The following VOPP1 variants were observed in gnomAD, a reference collection of about 807,000 sequenced individuals.
The protein encoded by VOPP1 is WW domain binding protein VOPP1.
In VOPP1, 8 loss-of-function variants were observed where a neutral mutation model predicts 23.5. The ratio of observed to expected loss-of-function variants is 0.34; its 90% CI spans 0.20 to 0.61. VOPP1 has a LOEUF of 0.61. Among genes scored for constraint, VOPP1 ranks in the 20% least tolerant of loss-of-function variants. The pLI is 0.78. For synonymous variants in VOPP1, 83 were observed against 97.3 expected (o/e 0.85, Z 0.86); for missense variants, 174 against 238.1 (o/e 0.73, Z 1.77).
At chr7:55,462,891 C>T (rs1037078664) in intron 4 of VOPP1, among the ~76,000 whole-genome samples, 31 of 148,336 alleles carry the variant, frequency 2.1e-4, no homozygotes, top group African/African-American at 6.8e-4. Flanking sequence ...CTCCTGACCT[C>T]GTGATCCGCC....
chr7:55,537,876 C>G (rs1346041057), intron 1 of VOPP1, among the ~76,000 whole-genome samples: 1 of 152,234 alleles, frequency 6.6e-6, no homozygotes, highest in Non-Finnish European at 1.5e-5. Flanking sequence ...CATTCTCCCC[C>G]AAACCACTTA....
At chr7:55,456,469 A>G (rs1164396435) in intron 4 of VOPP1, among the ~76,000 whole-genome samples, 1 of 152,234 alleles carries the variant, frequency 6.6e-6, no homozygotes, top group African/African-American at 2.4e-5. Context: ...AAGGATTATA[A>G]ATCATTCTAC....
chr7:55,436,106 C>T (rs369009830), exon 5 of VOPP1: 5 of 152,326 alleles, frequency 3.3e-5, no homozygotes, highest in African/African-American at 1.2e-4. Flanking sequence ...GTCAGCTCAG[C>T]CTTGCAGTGT....
intron 1 of VOPP1, chr7:55,571,905 A>AC (rs1394926975): frequency 1.0e-5 from 2 of 193,264 alleles, no homozygotes; most frequent in African/African-American, 2.4e-5. Flanking sequence ...CCCGAGGACC[A>AC]CCCCCGCCCA....
At chr7:55,473,087 C>T in intron 4 of VOPP1, 42 bp from the exon 5 acceptor site, 1 of 1,568,082 alleles carries the variant, frequency 6.4e-7, no homozygotes, top group Non-Finnish European at 8.6e-7. Context: ...AAGGGAAAGC[C>T]CCATCACACC....
chr7:55,561,183 G>A (rs1797972318), intron 1 of VOPP1, among the ~76,000 whole-genome samples: 1 of 152,056 alleles, frequency 6.6e-6, no homozygotes, highest in Non-Finnish European at 1.5e-5. Context: ...TATCTCTGTG[G>A]CTTACTTCAA....
intron 4 of VOPP1, among the ~76,000 whole-genome samples, chr7:55,442,838 C>T (rs1353686869): frequency 6.6e-6 from 1 of 152,110 alleles, no homozygotes; most frequent in African/African-American, 2.4e-5. Context: ...AAAAGCAGGC[C>T]GGGTGCGGTG....
chr7:55,569,759 A>T (rs1798286732), intron 1 of VOPP1, among the ~76,000 whole-genome samples: 1 of 152,136 alleles, frequency 6.6e-6, no homozygotes, highest in Non-Finnish European at 1.5e-5. Flanking sequence ...AGGGATGGTG[A>T]GGCAGGGGAG....
At position 55,471,904 on chromosome 7, in the gene VOPP1, C is replaced by G. The variant is rs556747068; in HGVS notation, c.*951G>C. 9.8e-5 allele frequency: 15 copies of G among 152,310 alleles called. No homozygotes were observed. In the East Asian group the frequency reaches 2.7e-3, roughly 28 times the overall value. 9.4% of individuals were successfully genotyped at this position (152,310 alleles called of 1,614,324 possible). On this transcript the variant is annotated 3_prime_UTR_variant, in exon 5 of 5. Transcript: ENST00000285279. ...TGTGACTTCCCAGCCAGATGTGCCC[C>G]GTTTTGAAAGCACCCTTCAGAACCC...
chr7:55,514,683 C>A (rs145166628), intron 2 of VOPP1, among the ~76,000 whole-genome samples: 16 of 152,272 alleles, frequency 1.1e-4, no homozygotes, highest in African/African-American at 3.4e-4. Flanking sequence ...TACCCATGCA[C>A]CAAAGAGGGG....
At chr7:55,447,623 A>G (rs1791135190) in intron 4 of VOPP1, among the ~76,000 whole-genome samples, 1 of 152,220 alleles carries the variant, frequency 6.6e-6, no homozygotes, top group Admixed American at 6.5e-5. Context: ...TTAATGCCAT[A>G]TTTCATATAC....
At position 55,484,727 on chromosome 7, in the gene VOPP1, G is replaced by C. The variant is rs559298894; in HGVS notation, c.328+7555C>G. ...GAGAGAAATAACTACAAAGACAATG[G>C]TTACTGTAAAAGACGTTTAGAATAC... is the stretch of plus-strand genomic sequence containing the variant. On this transcript the variant is annotated intron_variant, in intron 4 of 4. Coordinates refer to ENST00000285279, the MANE Select transcript of VOPP1 (RefSeq NM_030796.5). Among the ~76,000 whole-genome samples, 3 of 152,288 alleles carry C rather than the reference G, an allele frequency of 2.0e-5. No individual in the cohort carries two copies. The South Asian group carries it at 6.2e-4, about 32-fold the overall frequency.
intron 4 of VOPP1, among the ~76,000 whole-genome samples, chr7:55,445,146 T>C (rs1278071913): frequency 6.6e-6 from 1 of 152,168 alleles, no homozygotes; most frequent in African/African-American, 2.4e-5. Context: ...GAAACCATTT[T>C]GTCATATCTG....
chr7:55,508,964 G>C (rs1403312888), intron 2 of VOPP1, among the ~76,000 whole-genome samples: 1 of 152,186 alleles, frequency 6.6e-6, no homozygotes, highest in African/African-American at 2.4e-5. Context: ...GATCGCTTGA[G>C]TCAAGGGGTT....
At chr7:55,521,775 G>T (rs1396898417) in intron 1 of VOPP1, 1 of 984,582 alleles carries the variant, frequency 1.0e-6, no homozygotes. Context: ...AGTGCACACA[G>T]GCATCGGAGC....
chr7:55,438,830 G>A lies in VOPP1; in HGVS notation n.418-2656C>T, dbSNP rs531562728. Among the ~76,000 whole-genome samples the A allele has an allele frequency of 1.1e-4, 16 of 152,198 alleles. No homozygotes were observed. In the South Asian group the frequency reaches 3.1e-3, roughly 30 times the overall value. Reference sequence around the variant, plus strand: ...CAGGCAGCGGGTCTGGGAGGGAAACGGCTGTGGCTACGCAGGTGCAGGTGG... The same window carrying A: ...CAGGCAGCGGGTCTGGGAGGGAAACAGCTGTGGCTACGCAGGTGCAGGTGG... On this transcript the variant is annotated intron_variant and non_coding_transcript_variant, in intron 4 of 4. Coordinates refer to the VOPP1 transcript ENST00000462326.
chr7:55,446,115 C>T (rs6962974), intron 4 of VOPP1, among the ~76,000 whole-genome samples: 46,508 of 151,646 alleles, frequency 0.31, 7,766 homozygotes, highest in Non-Finnish European at 0.38. Flanking sequence ...GCCTCAGACT[C>T]CCAAGTAGCT....
intron 4 of VOPP1, among the ~76,000 whole-genome samples, chr7:55,450,427 C>T (rs532976176): frequency 1.3e-5 from 2 of 152,246 alleles, no homozygotes; most frequent in Non-Finnish European, 2.9e-5. Context: ...ACCAGCGCTA[C>T]CAGCTCTTAT....
intron 4 of VOPP1, among the ~76,000 whole-genome samples, chr7:55,480,128 C>T (rs974878475): frequency 2.0e-5 from 3 of 152,174 alleles, no homozygotes; most frequent in Non-Finnish European, 2.9e-5. Flanking sequence ...ACTAACTTTA[C>T]AACATGAATA....
Sources: gnomAD v4.1 joint callset for allele counts (sites outside exome capture counted in the v4.1 genomes callset) on GRCh38, gnomAD v4.1.1 for gene constraint, MANE v1.5 for transcripts, NCBI Gene and HGNC (gene_info 2026-07-23, HGNC 2026-07-21) for gene names.